ZMYND8: variants seen among roughly 807,000 people sequenced by gnomAD.
ZMYND8 encodes zinc finger MYND-type containing 8, also known as MYND-type zinc finger-containing chromatin reader ZMYND8.
In ZMYND8, 37 loss-of-function variants were observed where a neutral mutation model predicts 140.8. The ratio of observed to expected loss-of-function variants is 0.26; its 90% CI spans 0.20 to 0.35. The LOEUF (loss-of-function observed/expected upper bound fraction) is 0.35, where lower values mean the gene tolerates loss of function less well. ZMYND8 is among the 10% of genes least tolerant of loss of function. ZMYND8 has a pLI of 1.00. For synonymous variants in ZMYND8, 592 were observed against 597.1 expected (o/e 0.99, Z 0.12); for missense variants, 1,068 against 1,570.0 (o/e 0.68, Z 5.40).
At chr20:47,292,299 T>C (rs984361783) in intron 5 of ZMYND8, among the ~76,000 whole-genome samples, 1 of 152,222 alleles carries the variant, frequency 6.6e-6, no homozygotes, top group African/African-American at 2.4e-5. Context: ...TTTAATTCTA[T>C]GGGGCTGACA....
chr20:47,279,672 T>C (rs1255131246), intron 10 of ZMYND8, among the ~76,000 whole-genome samples: 1 of 151,994 alleles, frequency 6.6e-6, no homozygotes, highest in Non-Finnish European at 1.5e-5. Context: ...AGTTTTCTTA[T>C]TGATAAAATA....
chr20:47,220,252 A>T lies in ZMYND8; in HGVS notation c.3484+6T>A. 1 of 1,559,292 alleles carries T rather than the reference A, an allele frequency of 6.4e-7. No homozygotes were observed. The highest frequency in any genetic ancestry group is 8.7e-7 in the Non-Finnish European group (1 of 1,150,736). ...AGCACCGTTCGCCCACCAGGGGGCA[A>T]CATACCAGAGCCTTGGTTGGAGCCT... On this transcript the variant is annotated splice_donor_region_variant and intron_variant, in intron 21 of 22. Coordinates refer to ENST00000471951, the MANE Select transcript of ZMYND8 (RefSeq NM_001281775.3).
At chr20:47,247,004 G>A (rs1424843157) in intron 13 of ZMYND8, among the ~76,000 whole-genome samples, 2 of 152,142 alleles carry the variant, frequency 1.3e-5, no homozygotes, top group African/African-American at 4.8e-5. Context: ...TTTCCAAAGG[G>A]TTAAAGTTCT....
intron 14 of ZMYND8, among the ~76,000 whole-genome samples, chr20:47,239,400 G>A (rs1319943713): frequency 1.3e-5 from 2 of 152,218 alleles, no homozygotes; most frequent in Non-Finnish European, 2.9e-5. Context: ...AAGACCTCTA[G>A]GGGAGAATGA....
At chr20:47,338,048 T>TAA (rs1440025823) in intron 2 of ZMYND8, among the ~76,000 whole-genome samples, 4 of 152,080 alleles carry the variant, frequency 2.6e-5, no homozygotes, top group African/African-American at 9.7e-5. Flanking sequence ...GCTCAGCACC[T>TAA]GTTTTCTAAG....
intron 2 of ZMYND8, among the ~76,000 whole-genome samples, chr20:47,340,293 G>C (rs1409509408): frequency 6.6e-6 from 1 of 151,948 alleles, no homozygotes; most frequent in African/African-American, 2.4e-5. Flanking sequence ...AAATCATTGG[G>C]GTAAGTAAGA....
At chr20:47,321,471 T>C (rs968232329) in intron 2 of ZMYND8, among the ~76,000 whole-genome samples, 1 of 152,170 alleles carries the variant, frequency 6.6e-6, no homozygotes, top group Non-Finnish European at 1.5e-5. Context: ...AGACAAAGAA[T>C]GATCAGGCCC....
rs768159573 is a variant in ZMYND8, at chr20:47,212,632, T to G, written c.3568+10A>C. On this transcript the variant is annotated intron_variant, in intron 22 of 22. Transcript: ENST00000471951. ...CCCCGGCAGCTTTCGTAAGACAGGT[T>G]CATACTTACACTTCTGGGCGGGGTA... 6.2e-7 allele frequency: 1 copy of G among 1,613,728 alleles called. No homozygotes were observed. Among genetic ancestry groups the G allele is most frequent in the Non-Finnish European group, 8.5e-7 (1 of 1,179,742 alleles).
At chr20:47,331,101 A>G (rs1182437992) in intron 2 of ZMYND8, among the ~76,000 whole-genome samples, 1 of 152,150 alleles carries the variant, frequency 6.6e-6, no homozygotes, top group Non-Finnish European at 1.5e-5. Flanking sequence ...CACGGAGAGA[A>G]TGGAACACAG....
intron 2 of ZMYND8, among the ~76,000 whole-genome samples, chr20:47,310,897 C>T (rs997745797): frequency 6.6e-6 from 1 of 152,026 alleles, no homozygotes; most frequent in Non-Finnish European, 1.5e-5. Flanking sequence ...AATCGCCACT[C>T]TTCCCCACTA....
chr20:47,249,337 C>G lies in ZMYND8; in HGVS notation c.1724G>C (p.Arg575Thr), dbSNP rs758051966. 7 of 1,614,148 alleles carry G rather than the reference C, an allele frequency of 4.3e-6. No individual in the cohort carries two copies. Among genetic ancestry groups the G allele is most frequent in the Non-Finnish European group, 4.2e-6 (5 of 1,180,034 alleles). ...GGTCTTGTCAAGATTCAGCTGGAAC[C>G]TGCTACGAATCTGGCGCTTGGGAGA... ...LISPKRQIRSRFQLNLDKTIE... is the reference protein window; with the variant it reads ...LISPKRQIRSTFQLNLDKTIE... Residue 575 changes from arginine to threonine, a missense_variant, in exon 13 of 23, where the codon AGG (arginine) becomes ACG (threonine). By Grantham distance (71) the Arg-to-Thr change is moderately conservative. Around this residue, in one of 10 missense-constraint regions of ZMYND8, gnomAD observed 173 missense variants for 223.3 expected, o/e 0.77. Coordinates refer to ENST00000471951, the MANE Select transcript of ZMYND8 (RefSeq NM_001281775.3).
intron 2 of ZMYND8, among the ~76,000 whole-genome samples, chr20:47,345,539 G>T (rs1344174849): frequency 6.9e-6 from 1 of 145,732 alleles, no homozygotes; most frequent in Non-Finnish European, 1.5e-5. Context: ...ACGGAGTCTC[G>T]CTCTGTCCCC....
intron 19 of ZMYND8, among the ~76,000 whole-genome samples, chr20:47,221,763 T>A (rs997778613): frequency 6.6e-6 from 1 of 152,206 alleles, no homozygotes; most frequent in Non-Finnish European, 1.5e-5. Context: ...GTCTCCTGGG[T>A]TCAAGTGATT....
intron 21 of ZMYND8, among the ~76,000 whole-genome samples, chr20:47,213,822 AATG>A (rs2146787197): frequency 6.6e-6 from 1 of 152,322 alleles, no homozygotes; most frequent in Admixed American, 6.5e-5. Context: ...AATAATATCT[AATG>A]ATGAAGTCAA....
rs369398202 is a variant in ZMYND8 at position 47,294,711 on chromosome 20, T to C, written c.522A>G (p.Leu174=). 7 of 1,614,228 alleles carry C rather than the reference T, an allele frequency of 4.3e-6. No homozygotes were observed. The highest frequency in any genetic ancestry group is 5.9e-6 in the Non-Finnish European group (7 of 1,180,032). ...GAATGGCAAACTTGAGCAGGTAGGA[T>C]AACTGTTCAATGGTGAGCATTGTCA... ...KAMTMLTIEQ[L]SYLLKFAIQK... Residue 174 remains leucine (L), a synonymous_variant, in exon 5 of 23, where the codon TTA becomes TTG. Transcript: ENST00000471951.
At chr20:47,285,432 G>C (rs2076860279) in intron 8 of ZMYND8, among the ~76,000 whole-genome samples, 1 of 152,198 alleles carries the variant, frequency 6.6e-6, no homozygotes, top group Non-Finnish European at 1.5e-5. Flanking sequence ...CTATTCCAAA[G>C]GAACATATCC....
intron 11 of ZMYND8, among the ~76,000 whole-genome samples, chr20:47,275,169 C>T (rs534217374): frequency 2.0e-5 from 3 of 152,304 alleles, no homozygotes; most frequent in South Asian, 4.1e-4. Flanking sequence ...AAAAACCTGA[C>T]ATTTAAGAAT....
chr20:47,218,825 AGG>A (rs1455042111), intron 21 of ZMYND8, among the ~76,000 whole-genome samples: 2 of 152,192 alleles, frequency 1.3e-5, no homozygotes, highest in East Asian at 3.9e-4. Flanking sequence ...CCAACTTTCA[AGG>A]CCTAGCCCCT....
intron 2 of ZMYND8, among the ~76,000 whole-genome samples, chr20:47,338,243 C>T (rs558128509): frequency 3.3e-5 from 5 of 152,196 alleles, no homozygotes; most frequent in African/African-American, 7.2e-5. Flanking sequence ...GAGGAGGCTC[C>T]GGGCTGGCTC....
Sources: allele counts gnomAD v4.1 joint callset (sites outside exome capture counted in the v4.1 genomes callset), GRCh38; gene constraint gnomAD v4.1.1; regional missense constraint gnomAD v4.1.1; transcripts MANE v1.5; gene names NCBI Gene and HGNC (gene_info 2026-07-23, HGNC 2026-07-21).